The following MACROD2 variants were observed in gnomAD, a reference collection of about 807,000 sequenced individuals.
MACROD2 encodes mono-ADP ribosylhydrolase 2.
Under a neutral mutation model 70.4 loss-of-function variants are expected in MACROD2, and 36 were observed. The ratio of observed to expected loss-of-function variants is 0.51; its 90% CI spans 0.39 to 0.68. The LOEUF (loss-of-function observed/expected upper bound fraction) is 0.68. Ranked by LOEUF, MACROD2 falls within the 30% of genes least tolerant of loss-of-function variation. The pLI, the probability that MACROD2 is intolerant of heterozygous loss-of-function variation, is 0.00. For missense variants in MACROD2, 496 were observed against 538.4 expected, an observed-to-expected ratio of 0.92 and a Z score of 0.78; for synonymous variants, 172 against 178.8, an observed-to-expected ratio of 0.96 and a Z score of 0.30.
intron 3 of MACROD2, among the ~76,000 whole-genome samples, chr20:14,418,481 C>G (rs2083835877): frequency 6.6e-6 from 1 of 152,166 alleles, no homozygotes; most frequent in Admixed American, 6.5e-5. Context: ...TGGAGACCAT[C>G]TACTTCAACT....
intron 3 of MACROD2, among the ~76,000 whole-genome samples, chr20:14,435,855 C>T (rs34538736): frequency 0.16 from 23,597 of 151,768 alleles, 2,599 homozygotes; most frequent in Non-Finnish European, 0.23. Context: ...TACTGGTGCC[C>T]GCCACCACAC....
At position 15,757,295 on chromosome 20, in the gene MACROD2, G is replaced by T. The variant is rs567490176; in HGVS notation, c.646-105450G>T. ...TAATAGTTATTTTTCAATAGAAGGA[G>T]AGATCAGAGTAAATCAGTTAAATTC... On this transcript the variant is annotated intron_variant, in intron 8 of 17. Transcript: ENST00000684519. 3.3e-5 allele frequency among the ~76,000 whole-genome samples: 5 copies of T among 152,248 alleles called. 1 individual carries two copies. The South Asian group carries it at 1.0e-3, about 32-fold the overall frequency.
intron 5 of MACROD2, among the ~76,000 whole-genome samples, chr20:14,938,940 ATTTTTTT>A (rs1230863391): frequency 1.2e-5 from 1 of 86,458 alleles, no homozygotes; most frequent in Non-Finnish European, 2.5e-5. Context: ...GTTAAATCAG[ATTTTTTT>A]TTTTTTTTTT....
At position 15,967,444 on chromosome 20, in the gene MACROD2, C is replaced by T. The variant is rs529572231; in HGVS notation, c.908-109C>T. 87 of 908,404 alleles carry T rather than the reference C, an allele frequency of 9.6e-5. No homozygotes were observed. In the East Asian group the frequency reaches 1.8e-3, roughly 18 times the overall value. 56.3% of individuals were successfully genotyped at this position (908,404 alleles called of 1,614,324 possible). A position where few individuals can be genotyped will look rare whatever the true frequency, so the allele number is the denominator to read the frequency against. The stretch of plus-strand genomic sequence containing the variant: ...TGTATTTGAGTGGTTATTTTTAAAA[C>T]GAATAAATTCTATTTTTCCTCAAAC... On this transcript the variant is annotated intron_variant, in intron 12 of 17. Coordinates refer to ENST00000684519, the MANE Select transcript of MACROD2 (RefSeq NM_001351661.2).
chr20:15,963,572 C>T (rs2066095626), intron 12 of MACROD2, among the ~76,000 whole-genome samples: 1 of 152,152 alleles, frequency 6.6e-6, no homozygotes, highest in Non-Finnish European at 1.5e-5. Flanking sequence ...TCAAGATTTG[C>T]CATCACTGAT....
At chr20:13,998,805 AT>A (rs35703129) in intron 1 of MACROD2, among the ~76,000 whole-genome samples, 1 of 152,036 alleles carries the variant, frequency 6.6e-6, no homozygotes, top group African/African-American at 2.4e-5. Context: ...AATACAAAAA[AT>A]TAGCCGGTCG....
chr20:14,407,381 A>G (rs904866082), intron 3 of MACROD2, among the ~76,000 whole-genome samples: 8 of 151,998 alleles, frequency 5.3e-5, no homozygotes, highest in African/African-American at 1.7e-4. Context: ...TCTGGCTTCA[A>G]AAGCAGTTTT....
chr20:14,388,779 C>G (rs898123461), intron 3 of MACROD2, among the ~76,000 whole-genome samples: 8 of 152,092 alleles, frequency 5.3e-5, no homozygotes, highest in African/African-American at 1.4e-4. Context: ...TCACCAGTGG[C>G]ATTTTATATG....
intron 5 of MACROD2, among the ~76,000 whole-genome samples, chr20:15,168,777 T>A (rs1317239314): frequency 6.6e-6 from 1 of 152,000 alleles, no homozygotes; most frequent in African/African-American, 2.4e-5. Flanking sequence ...AGCTTAGGAA[T>A]TTGAGACCAG....
At chr20:15,050,951 A>C (rs114148021) in intron 5 of MACROD2, among the ~76,000 whole-genome samples, 4,013 of 152,242 alleles carry the variant, frequency 0.026, 203 homozygotes, top group African/African-American at 0.092. Context: ...TAAAATGTAA[A>C]ATTATGGTTG....
intron 8 of MACROD2, among the ~76,000 whole-genome samples, chr20:15,637,282 A>G (rs2049384706): frequency 6.6e-6 from 1 of 152,190 alleles, no homozygotes. Flanking sequence ...TGTCTCTCTC[A>G]TAGGGGTAAG....
intron 3 of MACROD2, among the ~76,000 whole-genome samples, chr20:14,358,484 G>A (rs183159557): frequency 1.1e-4 from 16 of 151,944 alleles, no homozygotes; most frequent in African/African-American, 2.9e-4. Context: ...TTGAGATGGA[G>A]TCTCACTCTG....
intron 15 of MACROD2, among the ~76,000 whole-genome samples, chr20:16,035,104 T>A (rs1472628751): frequency 0.076 from 524 of 6,884 alleles, 15 homozygotes; most frequent in Non-Finnish European, 0.23. Context: ...TATTATATAT[T>A]ATATATAAAA....
At chr20:15,605,837 T>TA (rs2048886119) in intron 8 of MACROD2, among the ~76,000 whole-genome samples, 1 of 152,216 alleles carries the variant, frequency 6.6e-6, no homozygotes, top group African/African-American at 2.4e-5. Flanking sequence ...CCCTACTTCT[T>TA]ACACCATGTC....
chr20:14,467,125 C>T (rs1197416932), intron 3 of MACROD2, among the ~76,000 whole-genome samples: 1 of 152,150 alleles, frequency 6.6e-6, no homozygotes, highest in African/African-American at 2.4e-5. Context: ...GTGCCCTGCC[C>T]CCCAGAGGTG....
At chr20:14,751,025 T>G (rs1036859716) in intron 5 of MACROD2, among the ~76,000 whole-genome samples, 1 of 152,122 alleles carries the variant, frequency 6.6e-6, no homozygotes, top group Non-Finnish European at 1.5e-5. Context: ...AGATCTTATA[T>G]TATTATAGAT....
At chr20:15,660,957 A>C (rs2049813310) in intron 8 of MACROD2, among the ~76,000 whole-genome samples, 1 of 152,128 alleles carries the variant, frequency 6.6e-6, no homozygotes, top group East Asian at 1.9e-4. Context: ...TGATCTAATC[A>C]TTTGCATCTG....
intron 5 of MACROD2, among the ~76,000 whole-genome samples, chr20:14,685,641 A>C (rs1354910472): frequency 2.0e-5 from 3 of 152,216 alleles, no homozygotes; most frequent in Non-Finnish European, 4.4e-5. Context: ...GGTCAGTGTC[A>C]TAGCTTTTTT....
intron 5 of MACROD2, among the ~76,000 whole-genome samples, chr20:15,002,067 A>T (rs956294018): frequency 2.6e-5 from 4 of 152,182 alleles, no homozygotes; most frequent in African/African-American, 7.2e-5. Context: ...TTGTGCTGCT[A>T]TAAACATGCA....
Sources: allele counts gnomAD v4.1 joint callset (sites outside exome capture counted in the v4.1 genomes callset), GRCh38; gene constraint gnomAD v4.1.1; transcripts MANE v1.5; gene names NCBI Gene and HGNC (gene_info 2026-07-23, HGNC 2026-07-21).